The following SNUPN variants were observed in gnomAD, a reference collection of about 807,000 sequenced individuals.
SNUPN encodes the protein snurportin-1.
In SNUPN, 31 loss-of-function variants were observed where a neutral mutation model predicts 39.2. The observed-to-expected ratio is 0.79, with a 90% CI of 0.59 to 1.07. The LOEUF (loss-of-function observed/expected upper bound fraction) is 1.07. Ranked by LOEUF, SNUPN falls within the 50% of genes least tolerant of loss-of-function variation. The pLI, the probability that SNUPN is intolerant of heterozygous loss-of-function variation, is 0.00. For synonymous variants in SNUPN, 132 were observed against 159.0 expected (o/e 0.83, Z 1.28); for missense variants, 382 against 434.2 (o/e 0.88, Z 1.07).
At chr15:75,610,185 G>C (rs955605907) in intron 3 of SNUPN, among the ~76,000 whole-genome samples, 191 bp from the exon 4 acceptor site, 1 of 151,994 alleles carries the variant, frequency 6.6e-6, no homozygotes, top group Non-Finnish European at 1.5e-5. Flanking sequence ...ATCACCTGAG[G>C]TCAGGAGTTC....
chr15:75,607,749 C>T (rs750699389), intron 5 of SNUPN, among the ~76,000 whole-genome samples: 13 of 152,088 alleles, frequency 8.5e-5, no homozygotes, highest in Non-Finnish European at 1.5e-4. Context: ...ATAAGATGAT[C>T]ACAGAAGAAC....
intron 5 of SNUPN, among the ~76,000 whole-genome samples, chr15:75,608,270 T>C (rs1353905391): frequency 1.3e-5 from 2 of 152,070 alleles, no homozygotes; most frequent in African/African-American, 4.8e-5. Flanking sequence ...GTAGTCTCAG[T>C]TACTCAGGAA....
intron 2 of SNUPN, 42 bp downstream of exon 2, chr15:75,620,852 C>T: frequency 6.3e-7 from 1 of 1,587,176 alleles, no homozygotes; most frequent in East Asian, 2.2e-5. Context: ...GTTCATAGCT[C>T]CTAGCCCAGA....
At chr15:75,624,680 A>C in intron 1 of SNUPN, 1 of 1,188,928 alleles carries the variant, frequency 8.4e-7, no homozygotes, top group Non-Finnish European at 1.1e-6. Context: ...AAAAAAGAAA[A>C]ACTGATGTCC....
At chr15:75,605,294 C>T in intron 6 of SNUPN, 67 bp from the exon 7 acceptor site, 3 of 1,097,888 alleles carry the variant, frequency 2.7e-6, no homozygotes, top group Non-Finnish European at 4.0e-6. Context: ...TAAACAAAAA[C>T]ACCCCATGCT....
chr15:75,613,605 T>A (rs1344602444), intron 3 of SNUPN, among the ~76,000 whole-genome samples: 2 of 143,570 alleles, frequency 1.4e-5, no homozygotes, highest in African/African-American at 5.2e-5. Flanking sequence ...ATCGTGCTAT[T>A]GCACTCCAGC....
intron 2 of SNUPN, among the ~76,000 whole-genome samples, chr15:75,620,325 G>C (rs1022490392): frequency 1.3e-5 from 2 of 152,104 alleles, no homozygotes; most frequent in South Asian, 2.1e-4. Flanking sequence ...TACAAGGATC[G>C]GCCCTGCCTT....
intron 7 of SNUPN, 139 bp from the exon 8 acceptor site, chr15:75,601,357 C>CT (rs2075285225): frequency 1.7e-6 from 1 of 598,676 alleles, no homozygotes; most frequent in Non-Finnish European, 3.0e-6. Flanking sequence ...GGAGGATCAC[C>CT]TGAGGTCAAG....
At chr15:75,607,404 G>T in intron 5 of SNUPN, 91 bp from the exon 6 acceptor site, 1 of 816,184 alleles carries the variant, frequency 1.2e-6, no homozygotes, top group Non-Finnish European at 2.1e-6. Flanking sequence ...CCAGAGGCTT[G>T]AGTCCAACAA....
chr15:75,610,013 G>C lies in SNUPN; in HGVS notation c.304-19C>G. On this transcript the variant is annotated intron_variant, in intron 3 of 8. Transcript: ENST00000308588. Reference sequence around the variant, plus strand: ...GCATCAACTGGAAATGCAAAAAATAGTGTTAAAGATCAGCAGGGGTGTGCT... The same window carrying C: ...GCATCAACTGGAAATGCAAAAAATACTGTTAAAGATCAGCAGGGGTGTGCT... The C allele has an allele frequency of 6.3e-7, 1 of 1,582,394 alleles. No individual in the cohort carries two copies. Among genetic ancestry groups the C allele is most frequent in the East Asian group, 2.2e-5 (1 of 44,770 alleles).
rs749873132 is a variant in SNUPN at position 75,598,332 on chromosome 15, G to A, written c.*26C>T. On this transcript the variant is annotated 3_prime_UTR_variant, in exon 9 of 9. Coordinates refer to ENST00000308588, the MANE Select transcript of SNUPN (RefSeq NM_005701.4). ...TCCTTTTGGGGCCAGGTACCATCCT[G>A]TGGCTCCTTAAGGAGGCTTCTCTCT... 10 of 1,582,976 alleles carry A rather than the reference G, an allele frequency of 6.3e-6. No individual in the cohort carries two copies. The highest frequency in any genetic ancestry group is 7.8e-6 in the Non-Finnish European group (9 of 1,158,820).
rs1458299984 is a variant in SNUPN, at chr15:75,621,047, T to TAGG, written c.4_5insCCT (p.Glu2delinsAlaTer). 1 of 1,613,838 alleles carries TAGG rather than the reference T, an allele frequency of 6.2e-7. No individual in the cohort carries two copies. The highest frequency in any genetic ancestry group is 1.7e-5 in the Admixed American group (1 of 59,848). On this transcript the variant is annotated stop_gained and protein_altering_variant, in exon 2 of 9. Coordinates refer to ENST00000308588, the MANE Select transcript of SNUPN (RefSeq NM_005701.4). LOFTEE classifies it high-confidence loss of function. ...ACTAGCCAGGGCCTGACTCAACTCTTCCATCTTCCCTACAAAGGAAAACGT... is the reference window on the plus strand; with the variant it reads ...ACTAGCCAGGGCCTGACTCAACTCTTAGGCCATCTTCCCTACAAAGGAAAACGT...
rs545403246 is a variant in SNUPN, at chr15:75,615,559, C to T, written c.303+1849G>A. Among the ~76,000 whole-genome samples, 14 of 151,714 alleles carry T rather than the reference C, an allele frequency of 9.2e-5. No homozygotes were observed. The South Asian group carries it at 2.9e-3, about 32-fold the overall frequency. ...CTTCATTAACCCTTCTCTGATTTCA[C>T]ACCCCCTCCTTCCTCCTTGGTTGGA... is the stretch of plus-strand genomic sequence containing the variant. On this transcript the variant is annotated intron_variant, in intron 3 of 8. Coordinates refer to ENST00000308588, the MANE Select transcript of SNUPN (RefSeq NM_005701.4).
intron 3 of SNUPN, among the ~76,000 whole-genome samples, chr15:75,616,074 G>A (rs1892924980): frequency 6.6e-6 from 1 of 151,910 alleles, no homozygotes; most frequent in South Asian, 2.1e-4. Flanking sequence ...TGTCACAGAG[G>A]ATGTTATCTG....
chr15:75,606,361 G>A (rs1343969177), intron 6 of SNUPN, among the ~76,000 whole-genome samples: 1 of 152,064 alleles, frequency 6.6e-6, no homozygotes, highest in Admixed American at 6.6e-5. Context: ...GTGACAGCCT[G>A]CATGAAGATC....
At chr15:75,617,618 GCT>G in intron 2 of SNUPN, 66 bp from the exon 3 acceptor site, 4 of 1,513,798 alleles carry the variant, frequency 2.6e-6, no homozygotes, top group Non-Finnish European at 3.5e-6. Flanking sequence ...ACAGGGTCTC[GCT>G]CTGTTGCCCA....
chr15:75,606,859 A>C (rs2141365806), intron 6 of SNUPN, among the ~76,000 whole-genome samples: 1 of 152,162 alleles, frequency 6.6e-6, no homozygotes. Flanking sequence ...GCTGCTGCAC[A>C]AGGTGGCATC....
intron 3 of SNUPN, among the ~76,000 whole-genome samples, chr15:75,612,887 CAAG>C (rs1349800762): frequency 6.6e-6 from 1 of 151,700 alleles, no homozygotes; most frequent in African/African-American, 2.4e-5. Context: ...ACAATATCAC[CAAG>C]AAGACAAAAA....
At position 75,604,441 on chromosome 15, in the gene SNUPN, C is replaced by T. The variant is rs909622095; in HGVS notation, c.678+709G>A. Among the ~76,000 whole-genome samples, 7 of 152,100 alleles carry T rather than the reference C, an allele frequency of 4.6e-5. No homozygotes were observed. The South Asian group carries it at 6.2e-4, about 14-fold the overall frequency. ...CCTCCCAAAGTGCTGGGATTACAGG[C>T]GTGAGCCACGGCGCCTGGCCCTTGG... On this transcript the variant is annotated intron_variant, in intron 7 of 8. Transcript: ENST00000308588.
Sources: gnomAD v4.1 joint callset for allele counts (sites outside exome capture counted in the v4.1 genomes callset) on GRCh38, gnomAD v4.1.1 for gene constraint, MANE v1.5 for transcripts, NCBI Gene and HGNC (gene_info 2026-07-23, HGNC 2026-07-21) for gene names.